Variants in ATM observed in about 807,000 individuals in gnomAD.
ATM encodes ATM serine/threonine kinase.
ATM carries 308 observed loss-of-function variants against 387.0 expected under a neutral mutation model. That is an observed-to-expected ratio of 0.80 (90% CI 0.73 to 0.87). The LOEUF (loss-of-function observed/expected upper bound fraction) is 0.87, where lower values mean the gene tolerates loss of function less well. Among genes scored for constraint, ATM ranks in the 40% least tolerant of loss-of-function variants. The pLI is 0.00. For synonymous variants in ATM, 1,156 were observed against 1,187.3 expected, an observed-to-expected ratio of 0.97 and a Z score of 0.54; for missense variants, 3,312 against 3,560.9, an observed-to-expected ratio of 0.93 and a Z score of 1.78.
intron 45 of ATM, among the ~76,000 whole-genome samples, chr11:108,325,081 A>T (rs189764130): frequency 2.6e-5 from 4 of 152,192 alleles, no homozygotes; most frequent in Admixed American, 2.6e-4. Context: ...GATGTTTGTC[A>T]TCTGTGACCT....
intron 61 of ATM, among the ~76,000 whole-genome samples, chr11:108,356,982 C>T (rs1455152196): frequency 6.6e-6 from 1 of 152,206 alleles, no homozygotes; most frequent in Non-Finnish European, 1.5e-5. Context: ...ATACAGCTCC[C>T]AGCGTGAGCG....
At position 108,238,337 on chromosome 11, in the gene ATM, A is replaced by G. The variant is rs147493316; in HGVS notation, c.496+2503A>G. ...TAATTTTATATATTAAAAAAAATAG[A>G]GACAGGATCTCACTGTGTTGCCTAG... On this transcript the variant is annotated intron_variant, in intron 5 of 62. Transcript: ENST00000675843. Among the ~76,000 whole-genome samples, 1,052 of 152,188 alleles carry G rather than the reference A, an allele frequency of 6.9e-3. 17 individuals are homozygous for G. Among genetic ancestry groups the G allele is most frequent in the African/African-American group, 0.023 (975 of 41,530 alleles).
chr11:108,260,909 C>T (rs1457440915), intron 16 of ATM, among the ~76,000 whole-genome samples: 2 of 152,158 alleles, frequency 1.3e-5, no homozygotes, highest in South Asian at 4.1e-4. Context: ...GGTCACTCCC[C>T]GAATACTGCT....
intron 18 of ATM, among the ~76,000 whole-genome samples, chr11:108,270,500 A>C (rs895437624): frequency 1.3e-5 from 2 of 151,932 alleles, no homozygotes; most frequent in Non-Finnish European, 2.9e-5. Flanking sequence ...ATATATCTTC[A>C]CTCTACTGAT....
In ATM at chr11:108,256,277, C is replaced by G. The variant is rs373430058; in HGVS notation, c.2187C>G (p.Tyr729Ter). The change falls in exon 14 of 63, where the codon TAC becomes TAG. Residue 729 changes from tyrosine (Y) to a stop codon, truncating the protein, a stop_gained. Coordinates refer to ENST00000675843, the MANE Select transcript of ATM (RefSeq NM_000051.4). LOFTEE classifies it high-confidence loss of function. ...SRLLVGVLGC[Y>*]CYMGVIAEEE... ...TTTTGGTGGGTGTCCTTGGCTGCTA[C>G]TGTTACATGGGTGTAATAGCTGAAG... The G allele has an allele frequency of 6.2e-7, 1 of 1,611,228 alleles. No individual in the cohort carries two copies. Among genetic ancestry groups the G allele is most frequent in the East Asian group, 2.2e-5 (1 of 44,730 alleles).
intron 16 of ATM, among the ~76,000 whole-genome samples, chr11:108,266,883 C>T (rs2081280489): frequency 6.6e-6 from 1 of 150,826 alleles, no homozygotes; most frequent in African/African-American, 2.4e-5. Flanking sequence ...GCAATCTCTG[C>T]CTCCTGAGTT....
At chr11:108,302,713 A>T in intron 35 of ATM, 140 bp from the exon 36 acceptor site, 1 of 831,220 alleles carries the variant, frequency 1.2e-6, no homozygotes, top group Non-Finnish European at 1.8e-6. Context: ...TTTTCATCTT[A>T]AAAGGTAAAC....
rs773925925 is a variant in ATM, at chr11:108,333,799, G to A, written c.7928-87G>A. On this transcript the variant is annotated intron_variant, in intron 53 of 62. Coordinates refer to ENST00000675843, the MANE Select transcript of ATM (RefSeq NM_000051.4). Reference sequence around the variant, plus strand: ...GAACCACAGATTAGCAACAAGTTGGGGCCAGTGGTATCTGCTGACTATTCC... The same window carrying A: ...GAACCACAGATTAGCAACAAGTTGGAGCCAGTGGTATCTGCTGACTATTCC... 2.9e-6 allele frequency: 3 copies of A among 1,043,260 alleles called. No individual in the cohort carries two copies. In the African/African-American group the frequency reaches 4.7e-5, roughly 16 times the overall value. 64.6% of individuals were successfully genotyped at this position (1,043,260 alleles called of 1,614,324 possible).
At chr11:108,249,383 C>T (rs2080019167) in intron 9 of ATM, among the ~76,000 whole-genome samples, 1 of 152,082 alleles carries the variant, frequency 6.6e-6, no homozygotes, top group African/African-American at 2.4e-5. Context: ...GAAGTGTGCA[C>T]CTCATGGAAT....
rs1487902875 is a variant in ATM, at chr11:108,271,318, G to A, written c.2989G>A (p.Val997Ile). 2 of 1,613,304 alleles carry A rather than the reference G, an allele frequency of 1.2e-6. No homozygotes were observed. The highest frequency in any genetic ancestry group is 1.7e-5 in the Admixed American group (1 of 59,916). The change falls in exon 20 of 63, where the codon GTA becomes ATA. Residue 997 changes from valine to isoleucine, a missense_variant. This residue lies in a region of ATM where 1,791 missense variants were observed against 1,804.5 expected (regional missense o/e 0.99). Coordinates refer to ENST00000675843, the MANE Select transcript of ATM (RefSeq NM_000051.4). ...AACTATTTTAAACCATGTCCTTCAT[G>A]TAGTGAAAAACCTAGGTCAAAGCAA... Reference protein sequence around the residue: ...CKTILNHVLHVVKNLGQSNMD... With the variant: ...CKTILNHVLHIVKNLGQSNMD...
rs1591708460 is a variant in ATM, at chr11:108,301,667, G to A, written c.5197G>A (p.Ala1733Thr). The change falls in exon 35 of 63, where the codon GCT becomes ACT. Residue 1733 changes from alanine to threonine, a missense_variant. Around this residue, in one of 4 missense-constraint regions of ATM, gnomAD observed 1,405 missense variants for 1,604.4 expected, o/e 0.88. Transcript: ENST00000675843. ...TTTCAGTGTCAAAGTTCGATCAGCA[G>A]CTGTTACCTGTTTGAAAAACATTTT... The part of the protein sequence containing the change: ...VEDCVKVRSA[A>T]VTCLKNILAT... 9 of 1,613,624 alleles carry A rather than the reference G, an allele frequency of 5.6e-6. No individual in the cohort carries two copies. Among genetic ancestry groups the A allele is most frequent in the Non-Finnish European group, 7.6e-6 (9 of 1,179,722 alleles).
intron 30 of ATM, 21 bp downstream of exon 30, chr11:108,292,814 C>T: frequency 6.2e-7 from 1 of 1,610,640 alleles, no homozygotes; most frequent in South Asian, 1.1e-5. Flanking sequence ...GACTCATCTT[C>T]AAAATGGTAT....
chr11:108,298,285 T>A (rs900551559), intron 33 of ATM, among the ~76,000 whole-genome samples: 1 of 152,250 alleles, frequency 6.6e-6, no homozygotes, highest in African/African-American at 2.4e-5. Flanking sequence ...ACTATCTTTC[T>A]TCAACAGCCT....
intron 7 of ATM, 74 bp downstream of exon 7, chr11:108,245,100 T>C (rs1194510039): frequency 3.5e-5 from 42 of 1,195,536 alleles, no homozygotes; most frequent in Non-Finnish European, 5.1e-5. Context: ...AAAATTAGTG[T>C]TCTTTAGGAG....
chr11:108,237,899 GTTTTTTTTTTTT>G (rs369161623), intron 5 of ATM, among the ~76,000 whole-genome samples: 2 of 92,046 alleles, frequency 2.2e-5, no homozygotes, highest in Non-Finnish European at 4.0e-5. Context: ...ATTTACTTAG[GTTTTTTTTTTTT>G]TTTTTTTTTT....
Position 108,304,702 on chromosome 11 carries a change from C to A in ATM, c.5524C>A (p.Leu1842Ile), listed in dbSNP as rs956546711. The A allele has an allele frequency of 6.2e-7, 1 of 1,613,784 alleles. No homozygotes were observed. Among genetic ancestry groups the A allele is most frequent in the African/African-American group, 1.3e-5 (1 of 74,886 alleles). ...EVKTDFCQTV[L>I]PYLIHDILLQ... ...GAAAACTGACTTTTGTCAGACTGTA[C>A]TTCCATACTTGATTCATGATATTTT... The change falls in exon 37 of 63, where the codon CTT becomes ATT. Residue 1842 changes from leucine (L) to isoleucine (I), a missense_variant. Leu to Ile is a conservative substitution (Grantham distance 5). Coordinates refer to ENST00000675843, the MANE Select transcript of ATM (RefSeq NM_000051.4).
At chr11:108,312,623 T>C (rs953235936) in intron 40 of ATM, 125 bp downstream of exon 40, 2 of 698,204 alleles carry the variant, frequency 2.9e-6, no homozygotes, top group Admixed American at 2.6e-5. Flanking sequence ...CTAAGCATCA[T>C]ATATATAAAA....
At chr11:108,315,694 C>G (rs934565125) in intron 40 of ATM, 129 bp from the exon 41 acceptor site, 2 of 726,682 alleles carry the variant, frequency 2.8e-6, no homozygotes, top group East Asian at 5.4e-5. Context: ...AGAATCATTA[C>G]ATTTTATTTC....
In ATM at chr11:108,365,680, A is replaced by G. The variant is rs540238805; in HGVS notation, c.*172A>G. 5.9e-6 allele frequency: 5 copies of G among 843,928 alleles called. No individual in the cohort carries two copies. In the East Asian group the frequency reaches 1.1e-4, roughly 18 times the overall value. The allele number at this position is 843,928 out of a possible 1,614,324, so 52.3% of individuals were successfully genotyped here. On this transcript the variant is annotated 3_prime_UTR_variant, in exon 63 of 63. Coordinates refer to ENST00000675843, the MANE Select transcript of ATM (RefSeq NM_000051.4). The stretch of plus-strand genomic sequence containing the variant: ...TTAATCACCACTCAAAAATGTTTTG[A>G]TGGTCTTAAGGAACATCTCTGCTTT...
Sources: allele counts gnomAD v4.1 joint callset (sites outside exome capture counted in the v4.1 genomes callset), GRCh38; gene constraint gnomAD v4.1.1; regional missense constraint gnomAD v4.1.1; transcripts MANE v1.5; gene names NCBI Gene and HGNC (gene_info 2026-07-23, HGNC 2026-07-21).